The following PTPRN2 variants were observed in gnomAD, a reference collection of about 807,000 sequenced individuals.
The protein encoded by PTPRN2 is protein tyrosine phosphatase receptor type N2, also known as receptor-type tyrosine-protein phosphatase N2.
Under a neutral mutation model 118.8 loss-of-function variants are expected in PTPRN2, and 74 were observed. That is an observed-to-expected ratio of 0.62 (90% CI 0.52 to 0.76). PTPRN2 has a LOEUF of 0.76. Among genes scored for constraint, PTPRN2 ranks in the 30% least tolerant of loss-of-function variants. The pLI is 0.00. For missense variants in PTPRN2, 1,481 were observed against 1,394.4 expected, an observed-to-expected ratio of 1.06 and a Z score of -0.99; for synonymous variants, 641 against 608.0, an observed-to-expected ratio of 1.05 and a Z score of -0.80.
intron 9 of PTPRN2, among the ~76,000 whole-genome samples, chr7:158,132,730 T>C (rs973609856): frequency 1.4e-5 from 2 of 147,786 alleles, no homozygotes; most frequent in African/African-American, 5.1e-5. Flanking sequence ...AGATACACAT[T>C]TACCCAACAT....
At chr7:157,820,328 AACAC>A (rs575219904) in intron 12 of PTPRN2, among the ~76,000 whole-genome samples, 2 of 150,022 alleles carry the variant, frequency 1.3e-5, no homozygotes, top group Admixed American at 6.6e-5. Flanking sequence ...TCACACACAC[AACAC>A]AGTCACATAT....
chr7:158,422,428 G>C (rs143579891), intron 2 of PTPRN2, among the ~76,000 whole-genome samples: 4 of 152,308 alleles, frequency 2.6e-5, no homozygotes, highest in African/African-American at 7.2e-5. Flanking sequence ...ACGGAATTGA[G>C]CCGGAAAACT....
intron 2 of PTPRN2, among the ~76,000 whole-genome samples, chr7:158,337,375 T>C (rs1203916920): frequency 9.5e-6 from 1 of 105,724 alleles, no homozygotes; most frequent in African/African-American, 3.3e-5. Context: ...ACACCCACAC[T>C]CTCACCATAA....
At chr7:157,800,735 G>C (rs940106081) in intron 12 of PTPRN2, among the ~76,000 whole-genome samples, 8 of 151,876 alleles carry the variant, frequency 5.3e-5, no homozygotes, top group Admixed American at 4.6e-4. Context: ...GGCGGATCAC[G>C]AGGTCAGGAG....
Position 157,955,112 on chromosome 7 carries a change from C to T in PTPRN2, c.1724-56375G>A, listed in dbSNP as rs553557152. 7.2e-5 allele frequency among the ~76,000 whole-genome samples: 11 copies of T among 152,214 alleles called. No homozygotes were observed. In the South Asian group the frequency reaches 1.5e-3, roughly 20 times the overall value. On this transcript the variant is annotated intron_variant, in intron 11 of 22. Coordinates refer to ENST00000389418, the MANE Select transcript of PTPRN2 (RefSeq NM_002847.5). ...ATGCAGTCCAGAAAGACGGATCCAC[C>T]GGCCATCCCAGGTACCAGGAGCAGC...
intron 3 of PTPRN2, among the ~76,000 whole-genome samples, chr7:158,260,540 A>G (rs888629348): frequency 6.6e-6 from 1 of 152,216 alleles, no homozygotes; most frequent in African/African-American, 2.4e-5. Flanking sequence ...GAGGGCCTAT[A>G]GAATCCAAAG....
Position 157,629,664 on chromosome 7 carries a change from C to T in PTPRN2, c.2197-8155G>A, listed in dbSNP as rs193262442. Among the ~76,000 whole-genome samples, 25 of 152,302 alleles carry T rather than the reference C, an allele frequency of 1.6e-4. No individual in the cohort carries two copies. The highest frequency in any genetic ancestry group is 2.4e-4 in the African/African-American group (10 of 41,564). ...TCCTGGTGAAACTTCGTTCCTACAA[C>T]GATGCTGCCAGCAGTGGAGACTTCT... On this transcript the variant is annotated intron_variant, in intron 14 of 22. Transcript: ENST00000389418. This position sits in a 1 kb window ranked among gnomAD's most constrained non-coding sequence, Gnocchi z 4.4.
At chr7:157,817,691 G>A (rs927591049) in intron 12 of PTPRN2, among the ~76,000 whole-genome samples, 2 of 152,258 alleles carry the variant, frequency 1.3e-5, no homozygotes, top group Admixed American at 6.5e-5. Context: ...AGGGGGCCAA[G>A]GAGAGCCCTG....
In PTPRN2 at chr7:157,813,996, G is replaced by A. The variant is rs1212921675; in HGVS notation, c.1788+84677C>T. 6.6e-6 allele frequency among the ~76,000 whole-genome samples: 1 copy of A among 152,224 alleles called. No homozygotes were observed. The highest frequency in any genetic ancestry group is 1.5e-5 in the Non-Finnish European group (1 of 68,044). On this transcript the variant is annotated intron_variant, in intron 12 of 22. Coordinates refer to ENST00000389418, the MANE Select transcript of PTPRN2 (RefSeq NM_002847.5). This position sits in a 1 kb window ranked among gnomAD's most constrained non-coding sequence, Gnocchi z 4.7. Reference sequence around the variant, plus strand: ...AGGAGTTTGCTCCTTAGAGTGAGGGGGATTGTTCTGCCCCAATGGCCTCTT... The same window carrying A: ...AGGAGTTTGCTCCTTAGAGTGAGGGAGATTGTTCTGCCCCAATGGCCTCTT...
intron 5 of PTPRN2, among the ~76,000 whole-genome samples, chr7:158,191,301 G>T (rs1825746387): frequency 6.6e-6 from 1 of 152,180 alleles, no homozygotes; most frequent in South Asian, 2.1e-4. Context: ...GATGCAGAGG[G>T]TCCTCAGGCT....
intron 3 of PTPRN2, among the ~76,000 whole-genome samples, chr7:158,225,503 C>A (rs1828696381): frequency 1.3e-5 from 2 of 152,184 alleles, no homozygotes; most frequent in Admixed American, 6.5e-5. Flanking sequence ...CTAGACAACA[C>A]CTGCATAACC....
intron 2 of PTPRN2, among the ~76,000 whole-genome samples, chr7:158,441,534 A>AACAGTGATGGTGATGGCAGTGATAGTG (rs1817216356): frequency 3.3e-5 from 2 of 60,282 alleles, no homozygotes; most frequent in African/African-American, 1.6e-4. Context: ...TGGTGATGGT[A>AACAGTGATGGTGATGGCAGTGATAGTG]ATAGTGATGG....
At position 158,525,796 on chromosome 7, in the gene PTPRN2, C is replaced by A. The variant is rs1410583105; in HGVS notation, c.113-36011G>T. ...CACGGCACCTGCTCCACAGCCACCT[C>A]TCTCTGCTGTGCTCACACAGTGTGG... is the stretch of plus-strand genomic sequence containing the variant. On this transcript the variant is annotated intron_variant, in intron 1 of 22. Transcript: ENST00000389418. This position sits in a 1 kb window ranked among gnomAD's most constrained non-coding sequence, Gnocchi z 4.1. 2.6e-5 allele frequency among the ~76,000 whole-genome samples: 4 copies of A among 152,206 alleles called. No homozygotes were observed. The highest frequency in any genetic ancestry group is 9.6e-5 in the African/African-American group (4 of 41,452).
Position 157,619,605 on chromosome 7 carries a change from C to T in PTPRN2, c.2344+1757G>A, listed in dbSNP as rs553646001. ...AATCACACAGCTTCTGTTTTTAGAT[C>T]TCTTTAGGGTTAAAACCCTCAGACC... On this transcript the variant is annotated intron_variant, in intron 15 of 22. Coordinates refer to ENST00000389418, the MANE Select transcript of PTPRN2 (RefSeq NM_002847.5). The surrounding 1 kb of genome is among the most constrained non-coding windows in gnomAD (Gnocchi z 5.3). Among the ~76,000 whole-genome samples, 1 of 152,312 alleles carries T rather than the reference C, an allele frequency of 6.6e-6. No individual in the cohort carries two copies. Among genetic ancestry groups the T allele is most frequent in the South Asian group, 2.1e-4 (1 of 4,826 alleles).
intron 1 of PTPRN2, among the ~76,000 whole-genome samples, chr7:158,503,499 C>A (rs1302523818): frequency 6.6e-6 from 1 of 152,180 alleles, no homozygotes; most frequent in African/African-American, 2.4e-5. Flanking sequence ...CCAGGTTTCC[C>A]AAACTGGAAG....
At chr7:158,523,419 CTGCCCTG>C (rs1824387376) in intron 1 of PTPRN2, among the ~76,000 whole-genome samples, 1 of 136,920 alleles carries the variant, frequency 7.3e-6, no homozygotes, top group African/African-American at 2.6e-5. Context: ...GGAGCGGAGT[CTGCCCTG>C]AAGCGGAGTC....
chr7:157,545,856 C>G (rs139461887), intron 22 of PTPRN2, among the ~76,000 whole-genome samples: 1 of 152,146 alleles, frequency 6.6e-6, no homozygotes, highest in South Asian at 2.1e-4. Context: ...TGACTTCCTC[C>G]GTTCAAAGGA....
chr7:158,134,691 G>C (rs527438518), intron 8 of PTPRN2, among the ~76,000 whole-genome samples: 4 of 152,044 alleles, frequency 2.6e-5, no homozygotes, highest in Non-Finnish European at 5.9e-5. Context: ...GTCCTCACAC[G>C]GGCTACAGTC....
At chr7:157,636,410 T>C (rs1164357525) in intron 14 of PTPRN2, among the ~76,000 whole-genome samples, 1 of 152,060 alleles carries the variant, frequency 6.6e-6, no homozygotes, top group Non-Finnish European at 1.5e-5. Flanking sequence ...TACAGACAGT[T>C]AAAAAAAACA....
Sources: gnomAD v4.1 joint callset for allele counts (sites outside exome capture counted in the v4.1 genomes callset) on GRCh38, gnomAD v4.1.1 for gene constraint, Gnocchi (gnomAD v3.1) non-coding constraint, MANE v1.5 for transcripts, NCBI Gene and HGNC (gene_info 2026-07-23, HGNC 2026-07-21) for gene names.